The following ASPRV1 variants were observed in gnomAD, a reference collection of about 807,000 sequenced individuals.
ASPRV1 encodes aspartic peptidase retroviral like 1, also known as retroviral-like aspartic protease 1.
In ASPRV1, 7 loss-of-function variants were observed where a neutral mutation model predicts 11.0. The ratio of observed to expected loss-of-function variants is 0.64; its 90% CI spans 0.36 to 1.20. The LOEUF (loss-of-function observed/expected upper bound fraction) is 1.20, where lower values mean the gene tolerates loss of function less well. Ranked by LOEUF, ASPRV1 falls within the 50% of genes most tolerant of loss-of-function variation. The pLI, the probability that ASPRV1 is intolerant of heterozygous loss-of-function variation, is 0.02. For synonymous variants in ASPRV1, 136 were observed against 138.4 expected (o/e 0.98, Z 0.12); for missense variants, 299 against 320.0 (o/e 0.93, Z 0.50).
chr2:70,003,013 T>C, the ASPRV1 span: 2 of 152,222 alleles, frequency 1.3e-5, no homozygotes, highest in Non-Finnish European at 2.9e-5. Flanking sequence ...TAAATGTTTA[T>C]AGTTGTCGAT....
chr2:70,012,443 C>G, the ASPRV1 span, among the ~76,000 whole-genome samples: 1 of 152,092 alleles, frequency 6.6e-6, no homozygotes, highest in African/African-American at 2.4e-5. Context: ...CGTGAGCCAC[C>G]GCGCCCGGCC....
chr2:70,079,753 C>T, the ASPRV1 span, among the ~76,000 whole-genome samples: 1 of 152,180 alleles, frequency 6.6e-6, no homozygotes, highest in Admixed American at 6.5e-5. Context: ...TTTTCTAAAC[C>T]TGTTCTTTCC....
chr2:69,956,304 TAGA>T (rs1677933922), downstream of ASPRV1, among the ~76,000 whole-genome samples: 1 of 151,806 alleles, frequency 6.6e-6, no homozygotes, highest in Non-Finnish European at 1.5e-5. Context: ...CTAATAGGTA[TAGA>T]AGGATAGAAT....
chr2:69,986,946 G>A, the ASPRV1 span, among the ~76,000 whole-genome samples: 1 of 152,200 alleles, frequency 6.6e-6, no homozygotes, highest in Non-Finnish European at 1.5e-5. Flanking sequence ...CCCCAGCCTT[G>A]CCTTGTGGGG....
chr2:69,980,621 T>G, the ASPRV1 span, among the ~76,000 whole-genome samples: 1 of 152,214 alleles, frequency 6.6e-6, no homozygotes, highest in Non-Finnish European at 1.5e-5. Flanking sequence ...TGGAGTTTAC[T>G]TAACAGTATC....
chr2:69,992,354 G>A, the ASPRV1 span, among the ~76,000 whole-genome samples: 5 of 152,262 alleles, frequency 3.3e-5, no homozygotes, highest in East Asian at 1.9e-4. Flanking sequence ...CTTTACAATC[G>A]TTGCTAATTC....
the ASPRV1 span, among the ~76,000 whole-genome samples, chr2:70,080,503 A>G: frequency 6.6e-6 from 1 of 152,210 alleles, no homozygotes; most frequent in Non-Finnish European, 1.5e-5. Context: ...CTGGGATTAC[A>G]GGCGTGAGCC....
chr2:70,058,492 T>C, the ASPRV1 span, among the ~76,000 whole-genome samples: 5 of 152,258 alleles, frequency 3.3e-5, no homozygotes, highest in African/African-American at 1.2e-4. Flanking sequence ...ACAGCCTGTG[T>C]CAGCCTACCA....
At chr2:70,027,883 G>A in the ASPRV1 span, among the ~76,000 whole-genome samples, 1 of 152,196 alleles carries the variant, frequency 6.6e-6, no homozygotes, top group Non-Finnish European at 1.5e-5. Context: ...TGATGGATAT[G>A]CTAATTAACC....
At chr2:69,952,267 C>T in the ASPRV1 span, among the ~76,000 whole-genome samples, 2 of 152,312 alleles carry the variant, frequency 1.3e-5, no homozygotes, top group African/African-American at 4.8e-5. Context: ...CAGTGGCTCA[C>T]TCCTGTAATC....
the ASPRV1 span, among the ~76,000 whole-genome samples, chr2:69,979,861 C>T: frequency 6.6e-6 from 1 of 152,212 alleles, no homozygotes; most frequent in Non-Finnish European, 1.5e-5. Context: ...GTCCCCTTCA[C>T]CACATTGCTC....
the ASPRV1 span, among the ~76,000 whole-genome samples, chr2:70,068,961 A>G: frequency 6.6e-6 from 1 of 151,436 alleles, no homozygotes; most frequent in Admixed American, 6.6e-5. Flanking sequence ...AAAAAAAAAA[A>G]AAAAAAAAGC....
the ASPRV1 span, among the ~76,000 whole-genome samples, chr2:70,019,759 C>A: frequency 1.3e-5 from 2 of 151,878 alleles, no homozygotes; most frequent in East Asian, 1.9e-4. Context: ...CAGAGGGTGG[C>A]GGGTGGGGAG....
the ASPRV1 span, among the ~76,000 whole-genome samples, chr2:70,022,320 C>A: frequency 2.0e-5 from 3 of 146,958 alleles, no homozygotes; most frequent in South Asian, 2.3e-4. Context: ...AGGCCTAATA[C>A]ATGTTGTCTT....
chr2:70,001,036 G>A, the ASPRV1 span, among the ~76,000 whole-genome samples: 1 of 151,972 alleles, frequency 6.6e-6, no homozygotes, highest in African/African-American at 2.4e-5. Context: ...CATAGTGAAG[G>A]AGGCACTCTC....
At chr2:70,065,511 T>A in the ASPRV1 span, among the ~76,000 whole-genome samples, 25 of 151,700 alleles carry the variant, frequency 1.6e-4, no homozygotes, top group African/African-American at 6.0e-4. Context: ...ATCACAGAAT[T>A]AAAATCAGGT....
At chr2:69,957,802 A>C (rs1186818463), downstream of ASPRV1, among the ~76,000 whole-genome samples, 2 of 152,042 alleles carry the variant, frequency 1.3e-5, no homozygotes, top group Non-Finnish European at 2.9e-5. Context: ...CCACTGGAGG[A>C]ACTGATGTTC....
At chr2:69,933,794 A>G in the ASPRV1 span, among the ~76,000 whole-genome samples, 2 of 152,236 alleles carry the variant, frequency 1.3e-5, no homozygotes, top group Admixed American at 1.3e-4. Context: ...TCTTTGGTCT[A>G]TATTTTCAAC....
the ASPRV1 span, among the ~76,000 whole-genome samples, chr2:69,951,206 G>A: frequency 1.3e-5 from 2 of 151,622 alleles, no homozygotes; most frequent in East Asian, 1.9e-4. Flanking sequence ...CAGGCAGATC[G>A]CGAGGTCAAG....
Sources: gnomAD v4.1 joint callset for allele counts (sites outside exome capture counted in the v4.1 genomes callset) on GRCh38, gnomAD v4.1.1 for gene constraint, MANE v1.5 for transcripts, NCBI Gene and HGNC (gene_info 2026-07-23, HGNC 2026-07-21) for gene names.